The following MTMR9 variants were observed in gnomAD, a reference collection of about 807,000 sequenced individuals.
MTMR9 encodes the protein myotubularin-related protein 9.
In MTMR9, 39 loss-of-function variants were observed where a neutral mutation model predicts 69.5. The observed-to-expected ratio is 0.56, with a 90% CI of 0.43 to 0.73. MTMR9 has a LOEUF of 0.73. MTMR9 is among the 30% of genes least tolerant of loss of function. The pLI, the probability that MTMR9 is intolerant of heterozygous loss-of-function variation, is 0.00. For missense variants in MTMR9, 900 were observed against 671.2 expected, an observed-to-expected ratio of 1.34 and a Z score of -3.77; for synonymous variants, 354 against 240.8, an observed-to-expected ratio of 1.47 and a Z score of -4.35.
At chr8:11,337,677 C>G in the MTMR9 span, among the ~76,000 whole-genome samples, 1 of 152,358 alleles carries the variant, frequency 6.6e-6, no homozygotes, top group Non-Finnish European at 1.5e-5. Context: ...AGACTCGGTC[C>G]TGCTAGGGAA....
At chr8:11,318,694 A>C (rs536292791) in intron 8 of MTMR9, 1 of 152,316 alleles carries the variant, frequency 6.6e-6, no homozygotes, top group Non-Finnish European at 1.5e-5. Context: ...AGAGTGTTCC[A>C]GAGTTTTAGA....
intron 5 of MTMR9, 81 bp downstream of exon 5, chr8:11,306,488 A>C: frequency 2.4e-6 from 3 of 1,272,414 alleles, no homozygotes; most frequent in Non-Finnish European, 3.3e-6. Flanking sequence ...GAAAATCACA[A>C]GTGCTCAAAT....
intron 9 of MTMR9, 102 bp from the exon 10 acceptor site, chr8:11,322,523 A>C (rs943423853): frequency 1.0e-6 from 1 of 979,174 alleles, no homozygotes; most frequent in Non-Finnish European, 1.5e-6. Flanking sequence ...AACAAAAGAA[A>C]AAAGAATGTA....
chr8:11,285,320 C>T (rs1799109356), intron 1 of MTMR9: 2 of 388,990 alleles, frequency 5.1e-6, no homozygotes, highest in African/African-American at 2.1e-5. Flanking sequence ...ATTTCTGGTT[C>T]GTAACACCAT....
chr8:11,328,601 C>A (rs1801052489), downstream of MTMR9, among the ~76,000 whole-genome samples: 1 of 152,064 alleles, frequency 6.6e-6, no homozygotes, highest in Non-Finnish European at 1.5e-5. Context: ...ATTAAAAAGC[C>A]ACTATTTGGC....
chr8:11,297,890 C>G (rs1156538760), intron 2 of MTMR9: 1 of 456,172 alleles, frequency 2.2e-6, no homozygotes, highest in African/African-American at 2.0e-5. Context: ...CTATCCTTTT[C>G]CTGGCACAGA....
chr8:11,316,704 A>C lies in MTMR9; in HGVS notation c.1145A>C (p.Gln382Pro), dbSNP rs17851952. ...CACCCATTCCAGCAGCGCTGTGCAC[A>C]GTCAGCCTACTGTAACACCAAGCAG... ...AGHPFQQRCAQSAYCNTKQKW... is the reference protein window; with the variant it reads ...AGHPFQQRCAPSAYCNTKQKW... The change falls in exon 8 of 10, where the codon CAG becomes CCG. Residue 382 changes from glutamine (Q) to proline (P), a missense_variant. Physicochemically the swap from Gln to Pro is moderately conservative, Grantham distance 76. Transcript: ENST00000221086. 1.2e-6 allele frequency: 2 copies of C among 1,612,556 alleles called. No homozygotes were observed. Among genetic ancestry groups the C allele is most frequent in the Non-Finnish European group, 1.7e-6 (2 of 1,179,292 alleles).
chr8:11,334,206 T>C, the MTMR9 span, among the ~76,000 whole-genome samples: 7 of 152,068 alleles, frequency 4.6e-5, no homozygotes, highest in Non-Finnish European at 1.0e-4. Context: ...AGCAGAAAAA[T>C]GGACTAAGAC....
At position 11,292,313 on chromosome 8, in the gene MTMR9, C is replaced by T. The variant is rs185301909; in HGVS notation, c.183-2881C>T. 2.9e-3 allele frequency among the ~76,000 whole-genome samples: 441 copies of T among 152,180 alleles called. 2 individuals carry two copies. The highest frequency in any genetic ancestry group is 4.5e-3 in the Admixed American group (69 of 15,290). On this transcript the variant is annotated intron_variant, in intron 1 of 9. Coordinates refer to ENST00000221086, the MANE Select transcript of MTMR9 (RefSeq NM_015458.4). The stretch of plus-strand genomic sequence containing the variant: ...ATTCTTATGCAAGTCTTTGAATGAA[C>T]ATGTGGTTTCTTTTCTCTTGGGTGG...
chr8:11,286,366 G>T (rs571118961), intron 1 of MTMR9, among the ~76,000 whole-genome samples: 3 of 151,198 alleles, frequency 2.0e-5, no homozygotes, highest in Non-Finnish European at 4.4e-5. Context: ...ACCTTTTGCT[G>T]TATAAAGTCT....
chr8:11,310,845 A>G (rs1485166217), intron 6 of MTMR9, among the ~76,000 whole-genome samples: 1 of 152,102 alleles, frequency 6.6e-6, no homozygotes, highest in East Asian at 1.9e-4. Context: ...CAGCATGATG[A>G]TACAGATTAA....
chr8:11,299,932 G>T, intron 2 of MTMR9, 91 bp from the exon 3 acceptor site: 1 of 1,436,862 alleles, frequency 7.0e-7, no homozygotes, highest in Non-Finnish European at 9.4e-7. Flanking sequence ...ATCATTATTA[G>T]ACCATGTTTG....
At chr8:11,336,586 A>C in the MTMR9 span, among the ~76,000 whole-genome samples, 3 of 152,234 alleles carry the variant, frequency 2.0e-5, no homozygotes, top group Non-Finnish European at 4.4e-5. Flanking sequence ...TTCACTGTCC[A>C]TGAATTGATG....
intron 1 of MTMR9, among the ~76,000 whole-genome samples, chr8:11,288,466 G>A (rs1799271265): frequency 6.6e-6 from 1 of 151,384 alleles, no homozygotes; most frequent in Non-Finnish European, 1.5e-5. Flanking sequence ...TTTCAGAGAA[G>A]GCAGGTGACA....
At chr8:11,332,783 G>T (rs961528668), downstream of MTMR9, among the ~76,000 whole-genome samples, 5 of 152,094 alleles carry the variant, frequency 3.3e-5, no homozygotes, top group African/African-American at 1.2e-4. Context: ...TGTATTTTTA[G>T]TAGAGATGAG....
intron 2 of MTMR9, chr8:11,298,720 ACCC>A: frequency 8.4e-5 from 61 of 725,856 alleles, no homozygotes; most frequent in South Asian, 1.3e-4. Flanking sequence ...TCCCCGCTGC[ACCC>A]CCCCCCCGCC....
intron 2 of MTMR9, among the ~76,000 whole-genome samples, chr8:11,299,098 C>A (rs1185982975): frequency 6.6e-6 from 1 of 152,180 alleles, no homozygotes; most frequent in Non-Finnish European, 1.5e-5. Flanking sequence ...GAGGCTGAGG[C>A]AGGCAGATCA....
intron 6 of MTMR9, among the ~76,000 whole-genome samples, chr8:11,311,256 C>T (rs544758287): frequency 2.0e-5 from 3 of 152,138 alleles, no homozygotes; most frequent in Non-Finnish European, 2.9e-5. Context: ...AAATTAAGAA[C>T]CCCCAAAGAA....
In MTMR9 at chr8:11,309,721, A is replaced by G. The variant is rs1325704885; in HGVS notation, c.971+33A>G. On this transcript the variant is annotated intron_variant, in intron 6 of 9. Coordinates refer to ENST00000221086, the MANE Select transcript of MTMR9 (RefSeq NM_015458.4). ...GCATTTCAGCGTTCCTGAGCGAAAC[A>G]TGGCGCTGCTAACTAGACTTTGTGT... 3.7e-6 allele frequency: 6 copies of G among 1,607,578 alleles called. No homozygotes were observed. The Middle Eastern group carries it at 5.0e-4, about 134-fold the overall frequency.
Sources: allele counts gnomAD v4.1 joint callset (sites outside exome capture counted in the v4.1 genomes callset), GRCh38; gene constraint gnomAD v4.1.1; transcripts MANE v1.5; gene names NCBI Gene and HGNC (gene_info 2026-07-23, HGNC 2026-07-21).